OLFM3: variants seen among roughly 807,000 people sequenced by gnomAD.
OLFM3 encodes the protein olfactomedin 3.
OLFM3 carries 20 observed loss-of-function variants against 48.6 expected under a neutral mutation model. The ratio of observed to expected loss-of-function variants is 0.41; its 90% confidence interval spans 0.29 to 0.60. OLFM3 has a LOEUF of 0.60. Among genes scored for constraint, OLFM3 ranks in the 20% least tolerant of loss-of-function variants. The pLI, the probability that OLFM3 is intolerant of heterozygous loss-of-function variation, is 0.28. For synonymous variants in OLFM3, 222 were observed against 198.1 expected (o/e 1.12, Z -1.01); for missense variants, 437 against 544.3 (o/e 0.80, Z 1.96).
At chr1:101,865,463 T>TCC (rs1656823277) in intron 1 of OLFM3, among the ~76,000 whole-genome samples, 1 of 152,190 alleles carries the variant, frequency 6.6e-6, no homozygotes, top group Non-Finnish European at 1.5e-5. Flanking sequence ...CATTTACTTC[T>TCC]CCTTTTATAA....
At chr1:101,871,531 G>A (rs1418125009) in intron 1 of OLFM3, among the ~76,000 whole-genome samples, 1 of 152,026 alleles carries the variant, frequency 6.6e-6, no homozygotes, top group African/African-American at 2.4e-5. Context: ...TTGATAGCTT[G>A]ACAGACTATC....
At chr1:101,982,236 G>T (rs12047793) in intron 1 of OLFM3, among the ~76,000 whole-genome samples, 37,679 of 151,998 alleles carry the variant, frequency 0.25, 5,247 homozygotes, top group Middle Eastern at 0.36. Flanking sequence ...CTCCACTTAT[G>T]ATTATCATAG....
At chr1:101,858,835 C>G (rs993098361) in intron 1 of OLFM3, among the ~76,000 whole-genome samples, 5 of 152,108 alleles carry the variant, frequency 3.3e-5, no homozygotes, top group Non-Finnish European at 7.3e-5. Context: ...AATTAAACCT[C>G]TTTTCTTTAT....
rs181564208 is a variant in OLFM3 at position 101,973,454 on chromosome 1, T to C, written c.69+23294A>G. On this transcript the variant is annotated intron_variant, in intron 1 of 5. Coordinates refer to ENST00000370103, the MANE Select transcript of OLFM3 (RefSeq NM_058170.4). ...CCAGGGTAGGTTTTGTCTACTGAGT[T>C]TACTGATTTAAATATTAAACTTTTC... Among the ~76,000 whole-genome samples, 5 of 152,362 alleles carry C rather than the reference T, an allele frequency of 3.3e-5. No homozygotes were observed. In the East Asian group the frequency reaches 9.6e-4, roughly 29 times the overall value.
chr1:101,862,006 A>G (rs1656676388), intron 1 of OLFM3, among the ~76,000 whole-genome samples: 1 of 152,230 alleles, frequency 6.6e-6, no homozygotes, highest in Non-Finnish European at 1.5e-5. Flanking sequence ...GTGTTTAGGC[A>G]TACTTAAATA....
At chr1:101,858,465 T>C (rs1165444576) in intron 1 of OLFM3, among the ~76,000 whole-genome samples, 1 of 152,032 alleles carries the variant, frequency 6.6e-6, no homozygotes, top group Non-Finnish European at 1.5e-5. Context: ...TAGCTGTAAG[T>C]ATAATTTCAA....
intron 1 of OLFM3, among the ~76,000 whole-genome samples, chr1:101,995,706 C>T (rs915861426): frequency 1.5e-4 from 23 of 152,170 alleles, no homozygotes; most frequent in Admixed American, 5.9e-4. Flanking sequence ...GTCTACACTA[C>T]ACACATGATG....
chr1:101,867,497 T>C (rs766193271), intron 1 of OLFM3, among the ~76,000 whole-genome samples: 5 of 152,292 alleles, frequency 3.3e-5, no homozygotes, highest in Non-Finnish European at 7.4e-5. Flanking sequence ...CCAAAGTCAA[T>C]CTAGACTAGA....
intron 2 of OLFM3, among the ~76,000 whole-genome samples, chr1:101,836,237 C>T (rs1025392692): frequency 3.5e-4 from 54 of 152,122 alleles, no homozygotes; most frequent in Admixed American, 3.9e-4. Flanking sequence ...TTTGACAGAA[C>T]GATTCATTGG....
At chr1:101,880,698 A>G (rs1010413241) in intron 1 of OLFM3, among the ~76,000 whole-genome samples, 7 of 151,766 alleles carry the variant, frequency 4.6e-5, no homozygotes, top group African/African-American at 1.7e-4. Flanking sequence ...GATGATTCAA[A>G]CCTGTACTAC....
At chr1:101,863,534 GCTGGTTAATCTTA>G (rs1656740760) in intron 1 of OLFM3, among the ~76,000 whole-genome samples, 1 of 152,082 alleles carries the variant, frequency 6.6e-6, no homozygotes, top group African/African-American at 2.4e-5. Context: ...ACACATTCTT[GCTGGTTAATCTTA>G]CTAGACTCAG....
rs1334044815 is a variant in OLFM3, at chr1:101,905,907, C to T, written c.70-68882G>A. Reference sequence around the variant, plus strand: ...AGCAATGCAACCAGGAAATGATCTACTCTTATTGTATTAACTTTGTATGGG... The same window carrying T: ...AGCAATGCAACCAGGAAATGATCTATTCTTATTGTATTAACTTTGTATGGG... On this transcript the variant is annotated intron_variant, in intron 1 of 5. Coordinates refer to ENST00000370103, the MANE Select transcript of OLFM3 (RefSeq NM_058170.4). Among the ~76,000 whole-genome samples the T allele has an allele frequency of 2.0e-5, 3 of 152,124 alleles. No homozygotes were observed. The East Asian group carries it at 5.8e-4, about 29-fold the overall frequency.
At chr1:101,855,277 G>A (rs1656370355) in intron 1 of OLFM3, among the ~76,000 whole-genome samples, 1 of 152,018 alleles carries the variant, frequency 6.6e-6, no homozygotes, top group Non-Finnish European at 1.5e-5. Context: ...AACCCGATGA[G>A]GTAGTATTGC....
intron 1 of OLFM3, among the ~76,000 whole-genome samples, chr1:101,946,331 A>C (rs1264274354): frequency 6.6e-6 from 1 of 152,164 alleles, no homozygotes; most frequent in Non-Finnish European, 1.5e-5. Flanking sequence ...TATCACGAGA[A>C]TCCTTTGAAA....
intron 1 of OLFM3, among the ~76,000 whole-genome samples, chr1:101,895,412 TACACACACACACACAC>T (rs35047632): frequency 2.1e-5 from 3 of 144,206 alleles, no homozygotes; most frequent in East Asian, 2.1e-4. Flanking sequence ...AGCTCAAGAA[TACACACACACACACAC>T]ACACACACAC....
chr1:101,961,018 G>C (rs1337810325), intron 1 of OLFM3, among the ~76,000 whole-genome samples: 1 of 152,122 alleles, frequency 6.6e-6, no homozygotes, highest in East Asian at 1.9e-4. Context: ...CTGATTTAGA[G>C]ACTATGATGA....
chr1:101,871,286 G>A (rs929095569), intron 1 of OLFM3, among the ~76,000 whole-genome samples: 11 of 151,880 alleles, frequency 7.2e-5, no homozygotes, highest in African/African-American at 1.2e-4. Flanking sequence ...AACAAAATGC[G>A]TGTTGAAAAA....
chr1:101,907,342 A>C (rs1658586785), intron 1 of OLFM3, among the ~76,000 whole-genome samples: 3 of 152,226 alleles, frequency 2.0e-5, no homozygotes, highest in South Asian at 2.1e-4. Flanking sequence ...TTTGATGACA[A>C]TGCCATTCTC....
At chr1:101,991,440 G>A (rs574925061) in intron 1 of OLFM3, among the ~76,000 whole-genome samples, 84 of 151,834 alleles carry the variant, frequency 5.5e-4, no homozygotes, top group Non-Finnish European at 1.2e-3. Context: ...ATCCAGTCTC[G>A]CTTTTTTCTT....
Sources: gnomAD v4.1 joint callset for allele counts (sites outside exome capture counted in the v4.1 genomes callset) on GRCh38, gnomAD v4.1.1 for gene constraint, MANE v1.5 for transcripts, NCBI Gene and HGNC (gene_info 2026-07-23, HGNC 2026-07-21) for gene names.